The following WDR59 variants were observed in gnomAD, a reference collection of about 807,000 sequenced individuals.
WDR59 encodes GATOR2 complex protein WDR59.
In WDR59, 100 loss-of-function variants were observed where a neutral mutation model predicts 131.2. The ratio of observed to expected loss-of-function variants is 0.76; its 90% CI spans 0.65 to 0.90. The LOEUF (loss-of-function observed/expected upper bound fraction) is 0.90. Among genes scored for constraint, WDR59 ranks in the 40% least tolerant of loss-of-function variants. The pLI, the probability that WDR59 is intolerant of heterozygous loss-of-function variation, is 0.00. For synonymous variants in WDR59, 601 were observed against 466.2 expected, an observed-to-expected ratio of 1.29 and a Z score of -3.72; for missense variants, 1,203 against 1,262.2, an observed-to-expected ratio of 0.95 and a Z score of 0.71.
chr16:74,916,891 G>T lies in WDR59; in HGVS notation c.967-632C>A, dbSNP rs369015439. The stretch of plus-strand genomic sequence containing the variant: ...AAAAAACGAAAACCATAACCTCAAG[G>T]CATTTGGTGCAAATTGTACCTTTTG... On this transcript the variant is annotated intron_variant, in intron 11 of 25. Coordinates refer to ENST00000262144, the MANE Select transcript of WDR59 (RefSeq NM_030581.4). Among the ~76,000 whole-genome samples the T allele has an allele frequency of 1.7e-4, 26 of 151,764 alleles. 2 individuals carry two copies. The highest frequency in any genetic ancestry group is 1.0e-3 in the South Asian group (5 of 4,806).
intron 25 of WDR59, among the ~76,000 whole-genome samples, chr16:74,876,146 T>C (rs1246019383): frequency 6.6e-6 from 1 of 152,010 alleles, no homozygotes; most frequent in Non-Finnish European, 1.5e-5. Flanking sequence ...TGACAACTGG[T>C]GGTCAGAAAA....
At chr16:74,969,721 A>G (rs2033909113) in intron 1 of WDR59, among the ~76,000 whole-genome samples, 2 of 151,594 alleles carry the variant, frequency 1.3e-5, no homozygotes, top group African/African-American at 4.9e-5. Flanking sequence ...GGCATGTGCC[A>G]CCACGCCCGG....
chr16:74,879,994 T>C lies in WDR59; in HGVS notation c.2690-5550A>G, dbSNP rs142735798. The stretch of plus-strand genomic sequence containing the variant: ...TGAAGCCAAGAATTTGAGACCACAA[T>C]GGACAACAAAGTGAGACTCTGTTTC... On this transcript the variant is annotated intron_variant, in intron 25 of 25. Coordinates refer to ENST00000262144, the MANE Select transcript of WDR59 (RefSeq NM_030581.4). Among the ~76,000 whole-genome samples, 872 of 151,800 alleles carry C rather than the reference T, an allele frequency of 5.7e-3. 8 individuals are homozygous for C. The highest frequency in any genetic ancestry group is 0.01 in the Non-Finnish European group (691 of 67,926).
At chr16:74,951,415 A>G in intron 4 of WDR59, 43 bp downstream of exon 4, 4 of 1,551,102 alleles carry the variant, frequency 2.6e-6, no homozygotes, top group Non-Finnish European at 3.5e-6. Context: ...GGGGACTGTG[A>G]CAAAGCAAGA....
chr16:74,892,249 T>C (rs1002857530), intron 20 of WDR59, among the ~76,000 whole-genome samples: 2 of 152,106 alleles, frequency 1.3e-5, no homozygotes, highest in Non-Finnish European at 2.9e-5. Flanking sequence ...AGAAAAGAGA[T>C]GTATAATTAA....
intron 6 of WDR59, among the ~76,000 whole-genome samples, chr16:74,944,109 A>G (rs1343009633): frequency 1.3e-5 from 2 of 152,182 alleles, no homozygotes; most frequent in Middle Eastern, 3.2e-3. Context: ...GGGAGGCATC[A>G]GAACTCGAGG....
intron 11 of WDR59, 136 bp from the exon 12 acceptor site, chr16:74,916,395 A>G (rs1966388383): frequency 8.7e-7 from 1 of 1,150,284 alleles, no homozygotes; most frequent in Non-Finnish European, 1.3e-6. Context: ...CATAATCAAA[A>G]TAGATTTTAC....
At chr16:74,950,625 T>A (rs2032935744) in intron 4 of WDR59, among the ~76,000 whole-genome samples, 1 of 152,128 alleles carries the variant, frequency 6.6e-6, no homozygotes, top group Admixed American at 6.5e-5. Flanking sequence ...CAGGTCAGCT[T>A]AGCCCAGAAA....
At chr16:74,881,322 G>A (rs1964469899) in intron 25 of WDR59, among the ~76,000 whole-genome samples, 2 of 152,090 alleles carry the variant, frequency 1.3e-5, no homozygotes, top group African/African-American at 4.8e-5. Context: ...GCAAAGAGAA[G>A]ACCTGTGGCC....
chr16:74,962,172 T>C (rs780023270), intron 2 of WDR59, among the ~76,000 whole-genome samples: 1 of 152,192 alleles, frequency 6.6e-6, no homozygotes, highest in Non-Finnish European at 1.5e-5. Context: ...GCCAATACCA[T>C]GCTGTTTTGG....
intron 7 of WDR59, among the ~76,000 whole-genome samples, chr16:74,942,346 CA>C (rs2032298784): frequency 6.6e-6 from 1 of 152,110 alleles, no homozygotes; most frequent in Non-Finnish European, 1.5e-5. Flanking sequence ...ACTTTGCAAG[CA>C]GGGGCAGGGA....
chr16:74,973,232 A>T (rs899673338), intron 1 of WDR59, among the ~76,000 whole-genome samples: 13 of 151,970 alleles, frequency 8.6e-5, no homozygotes, highest in African/African-American at 3.1e-4. Flanking sequence ...CAAGAGCAAA[A>T]CTCTGTCTCA....
chr16:74,967,260 A>G (rs1021667095), intron 1 of WDR59, among the ~76,000 whole-genome samples: 1 of 152,234 alleles, frequency 6.6e-6, no homozygotes, highest in Non-Finnish European at 1.5e-5. Flanking sequence ...CACCAGAGTC[A>G]GGAGCAGAGC....
rs1029865817 is a variant in WDR59, at chr16:74,871,957, C to G, written c.*2252G>C. ...CTTTCTTACATCCTGAAGTTTTGTG[C>G]CCAGTAACACAGGGGACGAGGTATA... On this transcript the variant is annotated 3_prime_UTR_variant, in exon 26 of 26. Coordinates refer to ENST00000262144, the MANE Select transcript of WDR59 (RefSeq NM_030581.4). 3.9e-5 allele frequency: 6 copies of G among 152,194 alleles called. No homozygotes were observed. Among genetic ancestry groups the G allele is most frequent in the Admixed American group, 3.9e-4 (6 of 15,282 alleles). 9.4% of individuals were successfully genotyped at this position (152,194 alleles called of 1,614,324 possible). A position where few individuals can be genotyped will look rare whatever the true frequency, so the allele number is the denominator to read the frequency against.
rs1380160134 is a variant in WDR59, at chr16:74,916,227, A to G, written c.999T>C (p.Asp333=). The change falls in exon 12 of 26, where the codon GAT becomes GAC. Residue 333 remains aspartate, a synonymous_variant. Coordinates refer to ENST00000262144, the MANE Select transcript of WDR59 (RefSeq NM_030581.4). ...GAAGGGAAATACTCTCAATGAACTC[A>G]TCAACACCATCTAATATGTCATTTG... is the stretch of plus-strand genomic sequence containing the variant. The part of the protein sequence containing the change: ...LCANDILDGV[D]EFIESISLLP... 17 of 1,614,130 alleles carry G rather than the reference A, an allele frequency of 1.1e-5. No homozygotes were observed. The highest frequency in any genetic ancestry group is 1.4e-5 in the Non-Finnish European group (17 of 1,179,984).
intron 18 of WDR59, among the ~76,000 whole-genome samples, chr16:74,894,376 T>C (rs191167094): frequency 6.6e-6 from 1 of 152,322 alleles, no homozygotes; most frequent in East Asian, 1.9e-4. Flanking sequence ...TCGTTCTCAA[T>C]GTCAAAAATA....
chr16:74,877,237 A>C, intron 25 of WDR59, among the ~76,000 whole-genome samples: 1 of 151,582 alleles, frequency 6.6e-6, no homozygotes, highest in South Asian at 2.1e-4. Flanking sequence ...TATATCTCAA[A>C]ACACACACAC....
intron 1 of WDR59, among the ~76,000 whole-genome samples, chr16:74,967,857 C>CA (rs10585403): frequency 1.4e-3 from 162 of 114,242 alleles, no homozygotes; most frequent in South Asian, 5.5e-3. Context: ...GACTCGGTCT[C>CA]AAAAAAAAAA....
chr16:74,932,104 A>T (rs972280623), intron 8 of WDR59, among the ~76,000 whole-genome samples: 3 of 150,412 alleles, frequency 2.0e-5, no homozygotes, highest in African/African-American at 4.9e-5. Flanking sequence ...TTATTTATTT[A>T]TTTTTTTAAG....
Sources: allele counts gnomAD v4.1 joint callset (sites outside exome capture counted in the v4.1 genomes callset), GRCh38; gene constraint gnomAD v4.1.1; transcripts MANE v1.5; gene names NCBI Gene and HGNC (gene_info 2026-07-23, HGNC 2026-07-21).